RALGDS: variants seen among roughly 807,000 people sequenced by gnomAD.
RALGDS encodes ral guanine nucleotide exchange factor.
In RALGDS, 44 loss-of-function variants were observed where a neutral mutation model predicts 99.8. That is an observed-to-expected ratio of 0.44 (90% CI 0.35 to 0.57). RALGDS has a LOEUF of 0.57. Ranked by LOEUF, RALGDS falls within the 20% of genes least tolerant of loss-of-function variation. The pLI, the probability that RALGDS is intolerant of heterozygous loss-of-function variation, is 0.01. For synonymous variants in RALGDS, 529 were observed against 505.0 expected, an observed-to-expected ratio of 1.05 and a Z score of -0.64; for missense variants, 1,022 against 1,203.1, an observed-to-expected ratio of 0.85 and a Z score of 2.23.
rs1564233953 is a variant in RALGDS at position 133,107,300 on chromosome 9, C to T, written c.1198G>A (p.Glu400Lys). ...VAEQFTLMDA[E>K]LFKKVVPYHC... ...TAGGGCACCACCTTCTTGAACAGTT[C>T]CTGGGGAGGAGGCTAAATGTCACCT... Residue 400 changes from glutamate (E) to lysine (K), a missense_variant and splice_region_variant, in exon 7 of 18, where the codon GAA becomes AAA. Coordinates refer to ENST00000372050, the MANE Select transcript of RALGDS (RefSeq NM_006266.4). 6.2e-7 allele frequency: 1 copy of T among 1,612,422 alleles called. No individual in the cohort carries two copies. Among genetic ancestry groups the T allele is most frequent in the East Asian group, 2.2e-5 (1 of 44,832 alleles).
At chr9:133,112,017 C>G in intron 2 of RALGDS, 25 bp downstream of exon 2, 1 of 1,512,044 alleles carries the variant, frequency 6.6e-7, no homozygotes, top group Non-Finnish European at 9.0e-7. Context: ...CTGCGTCTCC[C>G]AGTGGAGACC....
At position 133,102,805 on chromosome 9, in the gene RALGDS, G is replaced by T; in HGVS notation, c.1887C>A (p.Ala629=). The T allele has an allele frequency of 6.2e-7, 1 of 1,613,082 alleles. No individual in the cohort carries two copies. Among genetic ancestry groups the T allele is most frequent in the Non-Finnish European group, 8.5e-7 (1 of 1,179,942 alleles). The part of the protein sequence containing the change: ...PDEQFGAWFR[A]VERLSETESY... ...TCTCAGTCTCGCTGAGCCGCTCCAC[G>T]GCCCGGAACCAGGCCCCAAATTGCT... Residue 629 remains alanine (A), a synonymous_variant, in exon 13 of 18, where the codon GCC becomes GCA. Coordinates refer to ENST00000372050, the MANE Select transcript of RALGDS (RefSeq NM_006266.4).
chr9:133,103,320 C>T, intron 11 of RALGDS, 58 bp from the exon 12 acceptor site: 1 of 1,603,008 alleles, frequency 6.2e-7, no homozygotes, highest in East Asian at 2.2e-5. Context: ...TTACAGTCTC[C>T]CCACCTCATG....
chr9:133,128,990 T>G (rs919262772), intron 1 of RALGDS: 12 of 996,870 alleles, frequency 1.2e-5, no homozygotes, highest in Non-Finnish European at 1.7e-5. Context: ...AGATGGGAGA[T>G]GAAGACTCCC....
chr9:133,129,583 CCT>C (rs1832271285), intron 1 of RALGDS, among the ~76,000 whole-genome samples: 1 of 152,194 alleles, frequency 6.6e-6, no homozygotes, highest in African/African-American at 2.4e-5. Context: ...TCCCATTCCC[CCT>C]GTGTCGGGGG....
chr9:133,116,202 G>C (rs1196929156), intron 1 of RALGDS, among the ~76,000 whole-genome samples: 1 of 152,254 alleles, frequency 6.6e-6, no homozygotes, highest in Non-Finnish European at 1.5e-5. Context: ...ACCCAACCCT[G>C]ATCCCCAGCG....
chr9:133,107,004 T>A, intron 7 of RALGDS, 81 bp downstream of exon 7: 1 of 1,487,290 alleles, frequency 6.7e-7, no homozygotes, highest in Non-Finnish European at 9.3e-7. Context: ...GACTGGGGCC[T>A]GTACAGGGCC....
At chr9:133,103,133 C>T in intron 12 of RALGDS, 97 bp downstream of exon 12, 3 of 1,512,982 alleles carry the variant, frequency 2.0e-6, no homozygotes, top group Non-Finnish European at 1.8e-6. Flanking sequence ...TGTCCCATGT[C>T]CCATGAATCT....
chr9:133,102,927 G>GGA, intron 12 of RALGDS, 27 bp from the exon 13 acceptor site: 1 of 1,611,814 alleles, frequency 6.2e-7, no homozygotes, highest in South Asian at 1.1e-5. Flanking sequence ...GCACAGGGCG[G>GGA]TGACAAGGCC....
intron 1 of RALGDS, among the ~76,000 whole-genome samples, chr9:133,128,540 G>A (rs1832235289): frequency 6.6e-6 from 1 of 152,144 alleles, no homozygotes; most frequent in Non-Finnish European, 1.5e-5. Flanking sequence ...CCTGGCCCCG[G>A]ACTCCTTGGA....
At chr9:133,123,569 T>C (rs914604940), upstream of RALGDS, among the ~76,000 whole-genome samples, 1 of 152,242 alleles carries the variant, frequency 6.6e-6, no homozygotes, top group African/African-American at 2.4e-5. Context: ...CCAGTCCCTC[T>C]GGCCGGTGTC....
chr9:133,140,798 C>T (rs1176757225), intron 1 of RALGDS, among the ~76,000 whole-genome samples: 1 of 152,300 alleles, frequency 6.6e-6, no homozygotes, highest in East Asian at 1.9e-4. Flanking sequence ...TGGGGGCTCG[C>T]CTCATCCGCC....
rs1830993493 is a variant in RALGDS, at chr9:133,105,816, G to GCCGCCC, written c.1602+110_1602+115dup. The GCCGCCC allele has an allele frequency of 1.1e-5, 3 of 265,968 alleles. No homozygotes were observed. The Admixed American group carries it at 1.4e-4, about 12-fold the overall frequency. The allele number at this position is 265,968 out of a possible 1,614,324, so 16.5% of individuals were successfully genotyped here. ...CAGCAAGAAGCGAATGCCACCGCCC[G>GCCGCCC]CCGCCCCAGCCCCCGCCCCAGCCCC... On this transcript the variant is annotated intron_variant, in intron 9 of 17. Coordinates refer to ENST00000372050, the MANE Select transcript of RALGDS (RefSeq NM_006266.4).
At chr9:133,119,926 C>A (rs1831830894) in intron 1 of RALGDS, among the ~76,000 whole-genome samples, 1 of 152,202 alleles carries the variant, frequency 6.6e-6, no homozygotes, top group Non-Finnish European at 1.5e-5. Flanking sequence ...CCAGCAATCA[C>A]AACGCGCCAC....
rs1831104695 is a variant in RALGDS at position 133,107,130 on chromosome 9, G to A, written c.1368C>T (p.Ala456=). Reference sequence around the variant, plus strand: ...GCTCCACCACCCTGGCCCTGTCTGGGGCTTTCGTGCTTCGGTTCCCGAGGC... The same window carrying A: ...GCTCCACCACCCTGGCCCTGTCTGGAGCTTTCGTGCTTCGGTTCCCGAGGC... ...TTCLGNRSTK[A]PDRARVVEHW... is the part of the protein sequence containing the mutation. Residue 456 remains alanine, a synonymous_variant, in exon 7 of 18, where the codon GCC becomes GCT. Transcript: ENST00000372050. The A allele has an allele frequency of 6.2e-7, 1 of 1,613,622 alleles. No homozygotes were observed. Among genetic ancestry groups the A allele is most frequent in the South Asian group, 1.1e-5 (1 of 91,092 alleles).
At chr9:133,104,559 C>G (rs961081533) in intron 9 of RALGDS, 1 of 556,920 alleles carries the variant, frequency 1.8e-6, no homozygotes, top group African/African-American at 1.9e-5. Flanking sequence ...CGCCTGTAAT[C>G]CCAGCATTTT....
At chr9:133,147,307 C>T (rs1234619606) in intron 1 of RALGDS, among the ~76,000 whole-genome samples, 1 of 152,252 alleles carries the variant, frequency 6.6e-6, no homozygotes, top group Non-Finnish European at 1.5e-5. Context: ...CAGCAGGCCC[C>T]AGCCCTCCAT....
chr9:133,109,658 G>A lies in RALGDS; in HGVS notation c.552C>T (p.Asp184=), dbSNP rs138337653. The change falls in exon 4 of 18, where the codon GAC becomes GAT. Residue 184 remains aspartate, a synonymous_variant. Coordinates refer to ENST00000372050, the MANE Select transcript of RALGDS (RefSeq NM_006266.4). ...SRYGCILPYS[D]EDGGPQDQLK... is the part of the protein sequence containing the mutation. ...GTTGGTCCTGGGGTCCACCATCCTC[G>A]TCGGAATAGGGGAGGATGCAGCCGT... 4.6e-4 allele frequency: 741 copies of A among 1,613,880 alleles called. 4 individuals carry two copies. In the African/African-American group the frequency reaches 7.2e-3, roughly 16 times the overall value.
intron 1 of RALGDS, among the ~76,000 whole-genome samples, chr9:133,137,164 T>A (rs1435038573): frequency 6.7e-6 from 1 of 149,176 alleles, no homozygotes; most frequent in Non-Finnish European, 1.5e-5. Context: ...ACCCGGGAGG[T>A]AAAGGTTGCA....
Sources: gnomAD v4.1 joint callset for allele counts (sites outside exome capture counted in the v4.1 genomes callset) on GRCh38, gnomAD v4.1.1 for gene constraint, MANE v1.5 for transcripts, NCBI Gene and HGNC (gene_info 2026-07-23, HGNC 2026-07-21) for gene names.